Variants in PLXNC1 observed in about 807,000 individuals in gnomAD.
PLXNC1 encodes the protein plexin-C1.
PLXNC1 carries 75 observed loss-of-function variants against 178.2 expected under a neutral mutation model. The observed-to-expected ratio is 0.42, with a 90% CI of 0.35 to 0.51. PLXNC1 has a LOEUF of 0.51. PLXNC1 is among the 20% of genes least tolerant of loss of function. The pLI, the probability that PLXNC1 is intolerant of heterozygous loss-of-function variation, is 0.02. For synonymous variants in PLXNC1, 790 were observed against 779.9 expected, an observed-to-expected ratio of 1.01 and a Z score of -0.22; for missense variants, 1,503 against 1,984.4, an observed-to-expected ratio of 0.76 and a Z score of 4.61.
At chr12:94,227,839 T>A (rs59129883) in intron 9 of PLXNC1, among the ~76,000 whole-genome samples, 78,512 of 152,074 alleles carry the variant, frequency 0.52, 21,684 homozygotes, top group African/African-American at 0.73. Context: ...AGGGGACATG[T>A]CAACGTAAAC....
Position 94,266,395 on chromosome 12 carries a change from C to T in PLXNC1, c.3597+1170C>T, listed in dbSNP as rs183225130. ...TTCTGAATTGTATCAATACACCCAT[C>T]CACATCTGAGAGGCCGGAGAGTGGG... On this transcript the variant is annotated intron_variant, in intron 21 of 30. Transcript: ENST00000258526. Among the ~76,000 whole-genome samples the T allele has an allele frequency of 5.9e-3, 893 of 152,314 alleles. 5 individuals are homozygous for T. The highest frequency in any genetic ancestry group is 8.8e-3 in the Non-Finnish European group (602 of 68,024).
At position 94,279,560 on chromosome 12, in the gene PLXNC1, C is replaced by T. The variant is rs1270063046; in HGVS notation, c.3686C>T (p.Thr1229Ile). ...NISVNVLDCD[T>I]IGQAKEKIFQ... ...TCAGTCAATGTTCTCGACTGTGACA[C>T]CATTGGCCAAGCCAAAGAAAAGATT... The change falls in exon 22 of 31, where the codon ACC becomes ATC. Residue 1229 changes from threonine to isoleucine, a missense_variant. Around this residue, in one of 4 missense-constraint regions of PLXNC1, gnomAD observed 639 missense variants for 979.7 expected, o/e 0.65. Coordinates refer to ENST00000258526, the MANE Select transcript of PLXNC1 (RefSeq NM_005761.3). The T allele has an allele frequency of 6.2e-7, 1 of 1,613,834 alleles. No homozygotes were observed. The highest frequency in any genetic ancestry group is 8.5e-7 in the Non-Finnish European group (1 of 1,179,794).
At position 94,283,699 on chromosome 12, in the gene PLXNC1, G is replaced by C. The variant is rs539178091; in HGVS notation, c.3879+1298G>C. Reference sequence around the variant, plus strand: ...GATGAAATCATAGGAAGTCAAAGCTGTCTTCTTGCACTGAGTCAGTTCCTG... The same window carrying C: ...GATGAAATCATAGGAAGTCAAAGCTCTCTTCTTGCACTGAGTCAGTTCCTG... On this transcript the variant is annotated intron_variant, in intron 23 of 30. Coordinates refer to ENST00000258526, the MANE Select transcript of PLXNC1 (RefSeq NM_005761.3). 2.0e-5 allele frequency among the ~76,000 whole-genome samples: 3 copies of C among 152,300 alleles called. No individual in the cohort carries two copies. In the South Asian group the frequency reaches 6.2e-4, roughly 32 times the overall value.
Position 94,148,623 on chromosome 12 carries a change from T to A in PLXNC1, c.-349T>A, listed in dbSNP as rs1300134913. ...CAAGCGCACCCAACCTCTCCAGCCCTCCCCGCCCGCCTCGCTCCTCTCCGC... is the reference window on the plus strand; with the variant it reads ...CAAGCGCACCCAACCTCTCCAGCCCACCCCGCCCGCCTCGCTCCTCTCCGC... On this transcript the variant is annotated 5_prime_UTR_variant, in exon 1 of 31. Coordinates refer to ENST00000258526, the MANE Select transcript of PLXNC1 (RefSeq NM_005761.3). The surrounding 1 kb of genome is among the most constrained non-coding windows in gnomAD (Gnocchi z 4.8). The A allele has an allele frequency of 1.3e-5, 2 of 150,858 alleles. No homozygotes were observed. Among genetic ancestry groups the A allele is most frequent in the Non-Finnish European group, 3.0e-5 (2 of 67,638 alleles). The allele number at this position is 150,858 out of a possible 1,614,324, so 9.3% of individuals were successfully genotyped here.
intron 4 of PLXNC1, among the ~76,000 whole-genome samples, chr12:94,190,397 CA>C (rs1448278424): frequency 6.6e-6 from 1 of 152,142 alleles, no homozygotes; most frequent in Non-Finnish European, 1.5e-5. Context: ...TGTGCACCAC[CA>C]TGCCCAGGTT....
At chr12:94,176,499 C>T (rs763464687) in intron 2 of PLXNC1, 12 of 152,154 alleles carry the variant, frequency 7.9e-5, no homozygotes, top group Non-Finnish European at 1.8e-4. Flanking sequence ...TCCTCTTGTC[C>T]TGTCCTCAGG....
chr12:94,300,674 C>T (rs1037202846), intron 27 of PLXNC1, among the ~76,000 whole-genome samples: 2 of 152,070 alleles, frequency 1.3e-5, no homozygotes, highest in Non-Finnish European at 2.9e-5. Flanking sequence ...AAAATTCTTG[C>T]CCATGGCCAC....
At chr12:94,264,219 C>T (rs185105322) in intron 20 of PLXNC1, among the ~76,000 whole-genome samples, 227 of 152,198 alleles carry the variant, frequency 1.5e-3, no homozygotes, top group Non-Finnish European at 2.6e-3. Context: ...CAGAACACAC[C>T]GCCTCCCACT....
chr12:94,285,258 G>C (rs963701308), intron 23 of PLXNC1, among the ~76,000 whole-genome samples: 7 of 152,336 alleles, frequency 4.6e-5, no homozygotes, highest in African/African-American at 1.7e-4. Flanking sequence ...TCTGCACCAG[G>C]AAGGACCTAG....
At chr12:94,190,820 G>GC (rs1962693162) in intron 4 of PLXNC1, among the ~76,000 whole-genome samples, 1 of 152,134 alleles carries the variant, frequency 6.6e-6, no homozygotes, top group African/African-American at 2.4e-5. Context: ...GCATGTTCCT[G>GC]CCCCAGGGCC....
At chr12:94,227,095 C>T in intron 8 of PLXNC1, 54 bp from the exon 9 acceptor site, 6 of 1,118,846 alleles carry the variant, frequency 5.4e-6, no homozygotes, top group South Asian at 1.2e-5. Flanking sequence ...ATGTTTGTTG[C>T]ACACTTTGAA....
chr12:94,194,349 C>T (rs921686685), intron 4 of PLXNC1, among the ~76,000 whole-genome samples: 9 of 152,286 alleles, frequency 5.9e-5, no homozygotes, highest in African/African-American at 2.2e-4. Flanking sequence ...GATATCAGGT[C>T]CCAAATGCAT....
intron 28 of PLXNC1, among the ~76,000 whole-genome samples, chr12:94,301,338 T>C (rs1968444708): frequency 6.6e-6 from 1 of 152,198 alleles, no homozygotes; most frequent in Admixed American, 6.5e-5. Flanking sequence ...AGAAAAATAT[T>C]CTATGGACAC....
At position 94,148,909 on chromosome 12, in the gene PLXNC1, T is replaced by G. The variant is rs1960827837; in HGVS notation, c.-63T>G. On this transcript the variant is annotated 5_prime_UTR_variant, in exon 1 of 31. Transcript: ENST00000258526. This position sits in a 1 kb window ranked among gnomAD's most constrained non-coding sequence, Gnocchi z 4.8. Reference sequence around the variant, plus strand: ...CCGCCGCCGCCGCCCGCGTCTCCGTTGCCGCGCGCCTGAGCCGCCGTCGCC... The same window carrying G: ...CCGCCGCCGCCGCCCGCGTCTCCGTGGCCGCGCGCCTGAGCCGCCGTCGCC... 3.8e-6 allele frequency: 2 copies of G among 523,248 alleles called. No homozygotes were observed. Among genetic ancestry groups the G allele is most frequent in the African/African-American group, 4.1e-5 (2 of 48,302 alleles). 32.4% of individuals were successfully genotyped at this position (523,248 alleles called of 1,614,324 possible).
intron 17 of PLXNC1, among the ~76,000 whole-genome samples, chr12:94,257,433 G>A (rs1263508310): frequency 6.6e-6 from 1 of 152,202 alleles, no homozygotes; most frequent in African/African-American, 2.4e-5. Flanking sequence ...GATCTAAGCT[G>A]AAGAAAAGGG....
rs551171173 is a variant in PLXNC1 at position 94,173,703 on chromosome 12, G to A, written c.1203+4410G>A. Among the ~76,000 whole-genome samples the A allele has an allele frequency of 3.3e-5, 5 of 152,338 alleles. No individual in the cohort carries two copies. In the South Asian group the frequency reaches 1.0e-3, roughly 32 times the overall value. On this transcript the variant is annotated intron_variant, in intron 2 of 30. Transcript: ENST00000258526. The stretch of plus-strand genomic sequence containing the variant: ...ACTGCATTAACTCTTACAGAGCTTA[G>A]TAGAGTTTGAGAGCTGGTTTTTGTT...
intron 17 of PLXNC1, chr12:94,256,096 CGG>C (rs1964829946): frequency 6.6e-6 from 1 of 152,130 alleles, no homozygotes; most frequent in Non-Finnish European, 1.5e-5. Flanking sequence ...TTCTTTTTTG[CGG>C]TATGATGACC....
chr12:94,215,075 T>G (rs1437503739), intron 5 of PLXNC1, among the ~76,000 whole-genome samples: 1 of 152,182 alleles, frequency 6.6e-6, no homozygotes, highest in Non-Finnish European at 1.5e-5. Flanking sequence ...TTTTTATATT[T>G]TAAGTAGAGA....
chr12:94,259,558 T>G, intron 18 of PLXNC1, 52 bp from the exon 19 acceptor site: 1 of 1,369,916 alleles, frequency 7.3e-7, no homozygotes, highest in Admixed American at 2.7e-5. Context: ...TTTCTAACTT[T>G]AAACTTATAT....
Sources: allele counts gnomAD v4.1 joint callset (sites outside exome capture counted in the v4.1 genomes callset), GRCh38; gene constraint gnomAD v4.1.1; regional missense constraint gnomAD v4.1.1; non-coding constraint Gnocchi (gnomAD v3.1); transcripts MANE v1.5; gene names NCBI Gene and HGNC (gene_info 2026-07-23, HGNC 2026-07-21).